AGMO: variants seen among roughly 807,000 people sequenced by gnomAD.
AGMO encodes the protein alkylglycerol monooxygenase.
Under a neutral mutation model 60.2 loss-of-function variants are expected in AGMO, and 75 were observed. The observed-to-expected ratio is 1.25, with a 90% confidence interval of 1.03 to 1.51. AGMO has a LOEUF of 1.51. AGMO is among the 40% of genes most tolerant of loss of function. The probability of loss-of-function intolerance (pLI) is 0.00; values close to 1 mark genes in which losing one functional copy is unlikely to be tolerated. For synonymous variants in AGMO, 261 were observed against 177.1 expected (o/e 1.47, Z -3.76); for missense variants, 763 against 525.5 (o/e 1.45, Z -4.42).
In AGMO at chr7:15,422,399, A is replaced by C. The variant is rs78017190; in HGVS notation, c.514-3746T>G. Among the ~76,000 whole-genome samples the C allele has an allele frequency of 6.2e-3, 949 of 152,234 alleles. 11 individuals are homozygous for C. Among genetic ancestry groups the C allele is most frequent in the African/African-American group, 0.021 (887 of 41,546 alleles). On this transcript the variant is annotated intron_variant, in intron 4 of 12. Transcript: ENST00000342526. ...CAAAGTCCAAGAGAAAAAAAACAGT[A>C]AGGTAAGAGCAATGTCACCAACCTA... is the stretch of plus-strand genomic sequence containing the variant.
intron 2 of AGMO, among the ~76,000 whole-genome samples, chr7:15,548,038 AC>A (rs988492464): frequency 2.7e-5 from 4 of 150,424 alleles, no homozygotes; most frequent in Non-Finnish European, 4.5e-5. Context: ...ACTAGGAGGC[AC>A]CCCCCAGCAG....
intron 3 of AGMO, among the ~76,000 whole-genome samples, chr7:15,516,956 T>A (rs1228289808): frequency 1.3e-5 from 2 of 151,866 alleles, no homozygotes; most frequent in African/African-American, 4.8e-5. Context: ...ACATTGACTG[T>A]CCAAAGTCAT....
intron 3 of AGMO, among the ~76,000 whole-genome samples, chr7:15,432,369 C>A (rs75011498): frequency 5.9e-5 from 3 of 50,700 alleles, no homozygotes; most frequent in Non-Finnish European, 1.0e-4. Context: ...TATACACACA[C>A]ATATATATAT....
the AGMO span, among the ~76,000 whole-genome samples, chr7:15,126,603 C>T: frequency 6.6e-6 from 1 of 152,050 alleles, no homozygotes; most frequent in African/African-American, 2.4e-5. Flanking sequence ...CCCTACAAAC[C>T]ATAAATTCTC....
At chr7:15,214,035 A>G (rs775845304) in intron 12 of AGMO, among the ~76,000 whole-genome samples, 7 of 152,028 alleles carry the variant, frequency 4.6e-5, no homozygotes, top group Non-Finnish European at 1.0e-4. Context: ...AAACCTTTAA[A>G]ATATTTAGTT....
In AGMO at chr7:15,327,595, A is replaced by G. The variant is rs555275761; in HGVS notation, c.1263+37919T>C. 3.3e-5 allele frequency among the ~76,000 whole-genome samples: 5 copies of G among 152,208 alleles called. No homozygotes were observed. In the South Asian group the frequency reaches 1.0e-3, roughly 32 times the overall value. On this transcript the variant is annotated intron_variant, in intron 12 of 12. Coordinates refer to ENST00000342526, the MANE Select transcript of AGMO (RefSeq NM_001004320.2). Reference sequence around the variant, plus strand: ...ATGAGAAAAGGAGATTAGAAAAGAGACTACTATAGCACAGTGATATGGGAA... The same window carrying G: ...ATGAGAAAAGGAGATTAGAAAAGAGGCTACTATAGCACAGTGATATGGGAA...
At chr7:15,216,125 T>G (rs1781729275) in intron 12 of AGMO, among the ~76,000 whole-genome samples, 1 of 151,886 alleles carries the variant, frequency 6.6e-6, no homozygotes, top group East Asian at 1.9e-4. Flanking sequence ...TGTTCCTGGG[T>G]TTTCAACATA....
chr7:15,493,598 A>G (rs987013411), intron 3 of AGMO, among the ~76,000 whole-genome samples: 3 of 151,116 alleles, frequency 2.0e-5, no homozygotes, highest in African/African-American at 7.3e-5. Context: ...GATGGTCTCG[A>G]TCTCCTGACC....
intron 3 of AGMO, among the ~76,000 whole-genome samples, chr7:15,544,409 C>G (rs949302577): frequency 6.6e-6 from 1 of 152,124 alleles, no homozygotes; most frequent in African/African-American, 2.4e-5. Flanking sequence ...TTTATCCCAA[C>G]AGCCAAATGT....
intron 12 of AGMO, among the ~76,000 whole-genome samples, chr7:15,217,559 C>T (rs1244789678): frequency 6.6e-6 from 1 of 151,718 alleles, no homozygotes; most frequent in Non-Finnish European, 1.5e-5. Context: ...AAATAAGGGA[C>T]TAAAAATAAA....
At chr7:15,429,279 A>G (rs984163440) in intron 4 of AGMO, among the ~76,000 whole-genome samples, 3 of 152,118 alleles carry the variant, frequency 2.0e-5, no homozygotes, top group African/African-American at 7.2e-5. Flanking sequence ...TTGTTGTAGA[A>G]ATAATTAGTT....
At chr7:15,260,572 G>T (rs895573394) in intron 12 of AGMO, among the ~76,000 whole-genome samples, 1 of 152,016 alleles carries the variant, frequency 6.6e-6, no homozygotes, top group African/African-American at 2.4e-5. Context: ...AATAGTGGGG[G>T]ACTTTAATAT....
At chr7:15,193,292 T>C in the AGMO span, among the ~76,000 whole-genome samples, 1 of 152,290 alleles carries the variant, frequency 6.6e-6, no homozygotes, top group Admixed American at 6.5e-5. Context: ...CCAACATATG[T>C]CATAGCTCTT....
intron 3 of AGMO, among the ~76,000 whole-genome samples, chr7:15,453,786 G>A (rs1781918727): frequency 6.6e-6 from 1 of 152,026 alleles, no homozygotes. Context: ...CAACAGGTTT[G>A]GAGGACACAG....
At chr7:15,259,981 T>G (rs1461073884) in intron 12 of AGMO, among the ~76,000 whole-genome samples, 1 of 136,284 alleles carries the variant, frequency 7.3e-6, no homozygotes, top group Admixed American at 7.5e-5. Flanking sequence ...AGAACCTCCT[T>G]ACAGTATAAA....
chr7:15,314,149 G>A (rs1438237240), intron 12 of AGMO, among the ~76,000 whole-genome samples: 1 of 151,966 alleles, frequency 6.6e-6, no homozygotes, highest in Non-Finnish European at 1.5e-5. Flanking sequence ...TGGATAAGTT[G>A]GACAAAAAGG....
In AGMO at chr7:15,316,981, G is replaced by A. The variant is rs147532920; in HGVS notation, c.1263+48533C>T. ...TTTTGCTCTCTGTAATTGGCAGGAT[G>A]AACATAAGCAAAAGGAAATGCATCA... On this transcript the variant is annotated intron_variant, in intron 12 of 12. Transcript: ENST00000342526. 3.0e-4 allele frequency among the ~76,000 whole-genome samples: 46 copies of A among 152,286 alleles called. No individual in the cohort carries two copies. In the East Asian group the frequency reaches 8.5e-3, roughly 28 times the overall value.
chr7:15,472,818 C>G (rs540943565), intron 3 of AGMO, among the ~76,000 whole-genome samples: 6 of 151,922 alleles, frequency 3.9e-5, no homozygotes, highest in African/African-American at 1.4e-4. Context: ...TGAATTTACT[C>G]TTTTCTGAAT....
At chr7:15,125,517 G>C in the AGMO span, among the ~76,000 whole-genome samples, 4 of 152,154 alleles carry the variant, frequency 2.6e-5, no homozygotes, top group Non-Finnish European at 5.9e-5. Context: ...CTCATCTACA[G>C]AATGCTTTAG....
Sources: gnomAD v4.1 joint callset for allele counts (sites outside exome capture counted in the v4.1 genomes callset) on GRCh38, gnomAD v4.1.1 for gene constraint, MANE v1.5 for transcripts, NCBI Gene and HGNC (gene_info 2026-07-23, HGNC 2026-07-21) for gene names.